Variants in RAVER2 observed in about 807,000 individuals in gnomAD.
The protein encoded by RAVER2 is ribonucleoprotein PTB-binding 2.
RAVER2 carries 46 observed loss-of-function variants against 78.1 expected under a neutral mutation model. The observed-to-expected ratio is 0.59, with a 90% CI of 0.46 to 0.75. RAVER2 has a LOEUF of 0.75. Ranked by LOEUF, RAVER2 falls within the 30% of genes least tolerant of loss-of-function variation. The pLI is 0.00. For missense variants in RAVER2, 793 were observed against 837.5 expected, an observed-to-expected ratio of 0.95 and a Z score of 0.66; for synonymous variants, 311 against 313.3, an observed-to-expected ratio of 0.99 and a Z score of 0.08.
At chr1:64,811,107 G>T (rs1401175256) in intron 9 of RAVER2, among the ~76,000 whole-genome samples, 2 of 151,998 alleles carry the variant, frequency 1.3e-5, no homozygotes. Flanking sequence ...CTTACAGACC[G>T]TACATGGCAC....
chr1:64,803,446 A>G (rs955425405), intron 6 of RAVER2, among the ~76,000 whole-genome samples: 2 of 152,174 alleles, frequency 1.3e-5, no homozygotes, highest in Non-Finnish European at 2.9e-5. Flanking sequence ...TGACTATTAT[A>G]AAAAATAACT....
At chr1:64,831,768 A>G (rs1484408606) in exon 12 of RAVER2, 2 of 152,214 alleles carry the variant, frequency 1.3e-5, no homozygotes, top group African/African-American at 2.4e-5. Flanking sequence ...GGTTGGAGGA[A>G]AAAAGAAAAC....
rs554737950 is a variant in RAVER2 at position 64,814,639 on chromosome 1, C to T, written c.1793-65C>T. On this transcript the variant is annotated intron_variant, in intron 10 of 11. Coordinates refer to ENST00000294428, the Ensembl canonical transcript of RAVER2. ...TAATAAAATAATTTATTTAAAATAA[C>T]CTAAATAAAATAAATTTATAATAAA... is the stretch of plus-strand genomic sequence containing the variant. 9 of 863,014 alleles carry T rather than the reference C, an allele frequency of 1.0e-5. No individual in the cohort carries two copies. In the African/African-American group the frequency reaches 1.4e-4, roughly 14 times the overall value. The allele number at this position is 863,014 out of a possible 1,614,324, so 53.5% of individuals were successfully genotyped here. A position where few individuals can be genotyped will look rare whatever the true frequency, so the allele number is the denominator to read the frequency against.
At chr1:64,807,656 C>CA (rs1474705464) in intron 9 of RAVER2, among the ~76,000 whole-genome samples, 182 bp downstream of exon 9, 2 of 151,846 alleles carry the variant, frequency 1.3e-5, no homozygotes, top group Admixed American at 6.6e-5. Context: ...ATAAAGCAAA[C>CA]AAAAAATCCA....
chr1:64,759,837 C>T (rs886373079), intron 1 of RAVER2, among the ~76,000 whole-genome samples: 3 of 151,922 alleles, frequency 2.0e-5, no homozygotes, highest in Admixed American at 1.3e-4. Context: ...TTTTTGAGCA[C>T]TCTAAACATA....
chr1:64,823,856 G>C (rs1653943304), intron 11 of RAVER2, among the ~76,000 whole-genome samples: 1 of 146,636 alleles, frequency 6.8e-6, no homozygotes, highest in South Asian at 2.1e-4. Flanking sequence ...ATCCAGGCTG[G>C]AGGGCAGTGA....
intron 5 of RAVER2, among the ~76,000 whole-genome samples, chr1:64,800,401 C>T (rs947138009): frequency 1.3e-5 from 2 of 152,038 alleles, no homozygotes; most frequent in African/African-American, 2.4e-5. Context: ...TGTTTTCTTC[C>T]AGTAGTTGTG....
intron 8 of RAVER2, among the ~76,000 whole-genome samples, chr1:64,806,117 T>A (rs1182834902): frequency 6.6e-6 from 1 of 152,242 alleles, no homozygotes; most frequent in African/African-American, 2.4e-5. Flanking sequence ...TAAATCTGAC[T>A]TAGTTGTCAA....
chr1:64,813,609 A>G (rs1391880471), intron 10 of RAVER2, among the ~76,000 whole-genome samples: 2 of 152,172 alleles, frequency 1.3e-5, no homozygotes, highest in African/African-American at 2.4e-5. Flanking sequence ...ATGAAAAGAG[A>G]TGAAAGATGA....
intron 1 of RAVER2, among the ~76,000 whole-genome samples, chr1:64,763,846 T>C (rs893996822): frequency 2.0e-5 from 3 of 149,350 alleles, no homozygotes; most frequent in African/African-American, 7.4e-5. Context: ...GAGGTTGCGG[T>C]GAGCCGAGAT....
intron 2 of RAVER2, among the ~76,000 whole-genome samples, chr1:64,771,366 T>G (rs1652313440): frequency 6.6e-6 from 1 of 151,976 alleles, no homozygotes; most frequent in Non-Finnish European, 1.5e-5. Context: ...TGTTTTTCAG[T>G]CATACAAAAG....
At chr1:64,821,870 C>T (rs1039246163) in intron 11 of RAVER2, among the ~76,000 whole-genome samples, 3 of 152,236 alleles carry the variant, frequency 2.0e-5, no homozygotes, top group Non-Finnish European at 2.9e-5. Flanking sequence ...AAAGATTTTA[C>T]GACAAAGTAT....
intron 11 of RAVER2, among the ~76,000 whole-genome samples, chr1:64,826,212 A>G (rs560253730): frequency 6.6e-6 from 1 of 152,394 alleles, no homozygotes; most frequent in East Asian, 1.9e-4. Flanking sequence ...GCAATGAACA[A>G]AACATCAAAA....
intron 1 of RAVER2, among the ~76,000 whole-genome samples, chr1:64,746,475 G>C (rs1651541292): frequency 3.9e-5 from 6 of 152,138 alleles, no homozygotes; most frequent in Admixed American, 3.9e-4. Context: ...TCCTGTAACC[G>C]GATGCATGAA....
exon 12 of RAVER2, chr1:64,833,137 T>A: frequency 1.1e-5 from 2 of 178,600 alleles, no homozygotes; most frequent in Non-Finnish European, 2.4e-5. Context: ...CACCCCTTCC[T>A]CCCCCCAAAA....
intron 9 of RAVER2, among the ~76,000 whole-genome samples, chr1:64,812,122 T>C (rs565000225): frequency 6.6e-6 from 1 of 152,024 alleles, no homozygotes; most frequent in East Asian, 1.9e-4. Context: ...GCCAACACTT[T>C]GGCCAAGGCG....
At chr1:64,758,336 T>G (rs1364027744) in intron 1 of RAVER2, among the ~76,000 whole-genome samples, 1 of 152,128 alleles carries the variant, frequency 6.6e-6, no homozygotes, top group Admixed American at 6.5e-5. Context: ...AAAAGGGACT[T>G]TTTTGCAGGT....
At chr1:64,809,834 T>G (rs557817731) in intron 9 of RAVER2, among the ~76,000 whole-genome samples, 1 of 152,328 alleles carries the variant, frequency 6.6e-6, no homozygotes, top group South Asian at 2.1e-4. Flanking sequence ...TCTAGGTACC[T>G]AGGTGACACA....
At chr1:64,827,963 G>A (rs1654038968) in intron 11 of RAVER2, among the ~76,000 whole-genome samples, 1 of 152,180 alleles carries the variant, frequency 6.6e-6, no homozygotes, top group South Asian at 2.1e-4. Context: ...AACCTCATTT[G>A]CCACTGCCCT....
Sources: allele counts gnomAD v4.1 joint callset (sites outside exome capture counted in the v4.1 genomes callset), GRCh38; gene constraint gnomAD v4.1.1; transcripts MANE v1.5; gene names NCBI Gene and HGNC (gene_info 2026-07-23, HGNC 2026-07-21).